The following LRRTM4 variants were observed in gnomAD, a reference collection of about 807,000 sequenced individuals.
LRRTM4 encodes leucine-rich repeat transmembrane neuronal protein 4.
Under a neutral mutation model 47.6 loss-of-function variants are expected in LRRTM4, and 25 were observed. The ratio of observed to expected loss-of-function variants is 0.53; its 90% confidence interval spans 0.38 to 0.73. LRRTM4 has a LOEUF of 0.73. Ranked by LOEUF, LRRTM4 falls within the 30% of genes least tolerant of loss-of-function variation. The pLI, the probability that LRRTM4 is intolerant of heterozygous loss-of-function variation, is 0.00. For synonymous variants in LRRTM4, 311 were observed against 269.5 expected, an observed-to-expected ratio of 1.15 and a Z score of -1.51; for missense variants, 638 against 713.4, an observed-to-expected ratio of 0.89 and a Z score of 1.20.
At chr2:76,957,196 G>C (rs1675702951) in intron 3 of LRRTM4, among the ~76,000 whole-genome samples, 2 of 151,636 alleles carry the variant, frequency 1.3e-5, no homozygotes, top group African/African-American at 2.4e-5. Context: ...CCTTATGGGA[G>C]GTGTTAAAGT....
intron 3 of LRRTM4, among the ~76,000 whole-genome samples, chr2:77,227,849 T>C (rs17013839): frequency 0.11 from 16,635 of 152,100 alleles, 1,323 homozygotes; most frequent in East Asian, 0.34. Flanking sequence ...CATTAAAATA[T>C]GGTTATACTT....
intron 3 of LRRTM4, among the ~76,000 whole-genome samples, chr2:76,999,429 A>G (rs1285950707): frequency 2.7e-5 from 4 of 148,398 alleles, no homozygotes; most frequent in Non-Finnish European, 5.9e-5. Context: ...CCAGGAAGGA[A>G]AACACAAAAG....
intron 3 of LRRTM4, among the ~76,000 whole-genome samples, chr2:77,442,276 C>T (rs142026796): frequency 3.1e-4 from 47 of 152,198 alleles, no homozygotes; most frequent in Admixed American, 2.6e-4. Context: ...GTGAAATCTA[C>T]CACATTCAAA....
At chr2:77,007,264 CAG>C (rs1463042848) in intron 3 of LRRTM4, among the ~76,000 whole-genome samples, 3 of 151,982 alleles carry the variant, frequency 2.0e-5, no homozygotes, top group East Asian at 1.9e-4. Context: ...CTAAGAAGCA[CAG>C]AGGATTGTGA....
chr2:77,002,870 G>GA (rs966162178), intron 3 of LRRTM4, among the ~76,000 whole-genome samples: 31 of 152,118 alleles, frequency 2.0e-4, no homozygotes, highest in African/African-American at 6.5e-4. Context: ...TCTATTTATT[G>GA]AGCTTACGTT....
chr2:76,836,874 A>T (rs1671530313), intron 3 of LRRTM4, among the ~76,000 whole-genome samples: 1 of 152,142 alleles, frequency 6.6e-6, no homozygotes, highest in South Asian at 2.1e-4. Context: ...GGCCGGTCTA[A>T]GAGAAATTGG....
intron 3 of LRRTM4, among the ~76,000 whole-genome samples, chr2:77,163,136 A>G (rs1211929833): frequency 2.0e-5 from 3 of 152,128 alleles, no homozygotes; most frequent in Non-Finnish European, 2.9e-5. Flanking sequence ...ACCTTAAATA[A>G]CCTGATGGAG....
At chr2:76,874,780 C>T (rs1413909655) in intron 3 of LRRTM4, among the ~76,000 whole-genome samples, 1 of 151,726 alleles carries the variant, frequency 6.6e-6, no homozygotes, top group African/African-American at 2.4e-5. Context: ...TAGACCCTGG[C>T]TATTTTTTTG....
intron 3 of LRRTM4, among the ~76,000 whole-genome samples, chr2:76,830,769 A>G (rs945240814): frequency 6.6e-6 from 1 of 152,078 alleles, no homozygotes; most frequent in Non-Finnish European, 1.5e-5. Flanking sequence ...TATTTTAAAA[A>G]GGTAAAAATT....
At chr2:76,979,607 A>G (rs1348978650) in intron 3 of LRRTM4, among the ~76,000 whole-genome samples, 2 of 137,102 alleles carry the variant, frequency 1.5e-5, no homozygotes, top group Non-Finnish European at 3.1e-5. Flanking sequence ...GCACAACAAC[A>G]AGGGAACTAG....
At chr2:77,055,432 T>C (rs575395845) in intron 3 of LRRTM4, among the ~76,000 whole-genome samples, 44 of 152,074 alleles carry the variant, frequency 2.9e-4, no homozygotes, top group African/African-American at 1.0e-3. Flanking sequence ...AAAAAACACA[T>C]GAAAAAATGC....
chr2:77,355,804 T>C (rs889498449), intron 3 of LRRTM4, among the ~76,000 whole-genome samples: 1 of 152,158 alleles, frequency 6.6e-6, no homozygotes, highest in Non-Finnish European at 1.5e-5. Context: ...AAATAAATTA[T>C]AGGTGGGACC....
At chr2:77,145,231 C>A in intron 3 of LRRTM4, among the ~76,000 whole-genome samples, 1 of 146,966 alleles carries the variant, frequency 6.8e-6, no homozygotes, top group South Asian at 2.2e-4. Context: ...GTGTATATCT[C>A]ATAGATATAT....
In LRRTM4 at chr2:76,807,000, A is replaced by C. The variant is rs577768872; in HGVS notation, c.1552-58084T>G. The stretch of plus-strand genomic sequence containing the variant: ...AAAATTAATGAGACATCAACAAATT[A>C]TCAGTGAAGAAAATTTAAAAACATT... On this transcript the variant is annotated intron_variant, in intron 3 of 3. Transcript: ENST00000409884. Among the ~76,000 whole-genome samples, 7 of 152,318 alleles carry C rather than the reference A, an allele frequency of 4.6e-5. No homozygotes were observed. In the East Asian group the frequency reaches 1.4e-3, roughly 29 times the overall value.
intron 3 of LRRTM4, among the ~76,000 whole-genome samples, chr2:77,337,440 C>A (rs1285325598): frequency 6.6e-6 from 1 of 152,094 alleles, no homozygotes; most frequent in Non-Finnish European, 1.5e-5. Context: ...ACTAAAATCT[C>A]ATCTAGAATT....
chr2:77,295,156 A>G (rs192478148), intron 3 of LRRTM4, among the ~76,000 whole-genome samples: 42 of 152,226 alleles, frequency 2.8e-4, no homozygotes, highest in African/African-American at 9.9e-4. Flanking sequence ...AAATGCAGAT[A>G]TGGTCATTCT....
At chr2:76,951,982 TATTCCGTG>T (rs1208269476) in intron 3 of LRRTM4, among the ~76,000 whole-genome samples, 1 of 151,992 alleles carries the variant, frequency 6.6e-6, no homozygotes, top group Non-Finnish European at 1.5e-5. Flanking sequence ...GACTTCATAG[TATTCCGTG>T]GTGTATATGT....
chr2:77,227,603 G>A (rs1026507223), intron 3 of LRRTM4, among the ~76,000 whole-genome samples: 1 of 151,998 alleles, frequency 6.6e-6, no homozygotes, highest in Non-Finnish European at 1.5e-5. Context: ...CTGTATCCCA[G>A]ACTTGTGACT....
intron 3 of LRRTM4, among the ~76,000 whole-genome samples, chr2:76,902,426 T>C (rs1009364675): frequency 6.6e-6 from 1 of 152,216 alleles, no homozygotes; most frequent in Non-Finnish European, 1.5e-5. Context: ...CCTTCACTTA[T>C]ACTTTAGCAA....
Sources: gnomAD v4.1 joint callset for allele counts (sites outside exome capture counted in the v4.1 genomes callset) on GRCh38, gnomAD v4.1.1 for gene constraint, MANE v1.5 for transcripts, NCBI Gene and HGNC (gene_info 2026-07-23, HGNC 2026-07-21) for gene names.